Variants in HCN1 observed in about 807,000 individuals in gnomAD.
The protein encoded by HCN1 is hyperpolarization activated cyclic nucleotide gated potassium channel 1.
In HCN1, 13 loss-of-function variants were observed where a neutral mutation model predicts 78.9. That is an observed-to-expected ratio of 0.16 (90% CI 0.11 to 0.26). The LOEUF (loss-of-function observed/expected upper bound fraction) is 0.26. Ranked by LOEUF, HCN1 falls within the 10% of genes least tolerant of loss-of-function variation. The pLI is 1.00. For synonymous variants in HCN1, 552 were observed against 455.5 expected, an observed-to-expected ratio of 1.21 and a Z score of -2.70; for missense variants, 810 against 1,154.3, an observed-to-expected ratio of 0.70 and a Z score of 4.32.
chr5:45,647,132 G>A (rs555927480), intron 1 of HCN1, among the ~76,000 whole-genome samples: 83 of 152,210 alleles, frequency 5.5e-4, no homozygotes, highest in African/African-American at 1.9e-3. Context: ...AAGGATAAGC[G>A]TTTGTTATTT....
At chr5:45,396,762 G>A (rs1224943698) in intron 3 of HCN1, 52 bp from the exon 4 acceptor site, 1 of 1,352,558 alleles carries the variant, frequency 7.4e-7, no homozygotes. Flanking sequence ...ATGGCAGAAT[G>A]AAAAGTGAGT....
At chr5:45,646,558 C>A (rs996770270) in intron 1 of HCN1, among the ~76,000 whole-genome samples, 1 of 151,598 alleles carries the variant, frequency 6.6e-6, no homozygotes, top group Non-Finnish European at 1.5e-5. Flanking sequence ...TTTAACATTT[C>A]TAATTTAATT....
chr5:45,269,521 C>G (rs1463290995), intron 6 of HCN1, among the ~76,000 whole-genome samples: 2 of 152,060 alleles, frequency 1.3e-5, no homozygotes, highest in Non-Finnish European at 2.9e-5. Flanking sequence ...ATAAAAAACT[C>G]TGGTAATGTT....
chr5:45,464,470 G>A (rs968797901), intron 2 of HCN1, among the ~76,000 whole-genome samples: 2 of 151,994 alleles, frequency 1.3e-5, no homozygotes, highest in Non-Finnish European at 2.9e-5. Context: ...TTTATAAACA[G>A]TCTCCCTTAT....
At chr5:45,600,811 T>G (rs1284928133) in intron 2 of HCN1, among the ~76,000 whole-genome samples, 1 of 152,174 alleles carries the variant, frequency 6.6e-6, no homozygotes, top group Non-Finnish European at 1.5e-5. Flanking sequence ...GACTCCTAAC[T>G]TCTATATGGG....
At chr5:45,406,855 G>T (rs1342298048) in intron 3 of HCN1, among the ~76,000 whole-genome samples, 1 of 152,110 alleles carries the variant, frequency 6.6e-6, no homozygotes, top group East Asian at 1.9e-4. Context: ...AGAGTGTGAG[G>T]TCAGTGAAGA....
chr5:45,432,459 C>T (rs936078184), intron 3 of HCN1, among the ~76,000 whole-genome samples: 5 of 151,912 alleles, frequency 3.3e-5, no homozygotes, highest in Non-Finnish European at 1.5e-5. Context: ...ACTTCTAGTA[C>T]TAGATTGCTC....
At chr5:45,599,368 T>C (rs1579992527) in intron 2 of HCN1, among the ~76,000 whole-genome samples, 1 of 151,456 alleles carries the variant, frequency 6.6e-6, no homozygotes, top group African/African-American at 2.4e-5. Context: ...ATAAGAACAC[T>C]TGGACACATG....
At chr5:45,563,477 T>C (rs1432682876) in intron 2 of HCN1, among the ~76,000 whole-genome samples, 1 of 151,554 alleles carries the variant, frequency 6.6e-6, no homozygotes, top group Non-Finnish European at 1.5e-5. Context: ...TAAAATAAAA[T>C]AAAAAATATA....
chr5:45,316,903 C>A (rs918957817), intron 5 of HCN1, among the ~76,000 whole-genome samples: 1 of 151,860 alleles, frequency 6.6e-6, no homozygotes, highest in Non-Finnish European at 1.5e-5. Context: ...CACTGCTCAA[C>A]GAAATAAAAG....
intron 6 of HCN1, among the ~76,000 whole-genome samples, chr5:45,271,031 A>T (rs181024079): frequency 1.3e-5 from 2 of 152,220 alleles, no homozygotes; most frequent in South Asian, 2.1e-4. Flanking sequence ...TGAATCAGTT[A>T]AATATTACCA....
At chr5:45,587,457 C>A (rs777564688) in intron 2 of HCN1, among the ~76,000 whole-genome samples, 18 of 151,604 alleles carry the variant, frequency 1.2e-4, no homozygotes, top group African/African-American at 3.6e-4. Context: ...GGACAAAAAA[C>A]CAAACACTGC....
rs758332561 is a variant in HCN1 at position 45,395,670 on chromosome 5, C to T, written c.1230+822G>A. Among the ~76,000 whole-genome samples the T allele has an allele frequency of 7.9e-5, 12 of 152,268 alleles. No homozygotes were observed. The South Asian group carries it at 8.3e-4, about 11-fold the overall frequency. On this transcript the variant is annotated intron_variant, in intron 4 of 7. Coordinates refer to ENST00000303230, the MANE Select transcript of HCN1 (RefSeq NM_021072.4). ...CCATTTTAATCATTACTTTCAGAAACGCTCTTTGGCAAGGTGCATGACTCT... is the reference window on the plus strand; with the variant it reads ...CCATTTTAATCATTACTTTCAGAAATGCTCTTTGGCAAGGTGCATGACTCT...
chr5:45,372,699 A>G (rs1747436143), intron 4 of HCN1, among the ~76,000 whole-genome samples: 1 of 142,808 alleles, frequency 7.0e-6, no homozygotes, highest in African/African-American at 2.5e-5. Context: ...ATAAAAATAT[A>G]TACGTATTTA....
chr5:45,328,835 T>C (rs1454997591), intron 5 of HCN1, among the ~76,000 whole-genome samples: 1 of 151,666 alleles, frequency 6.6e-6, no homozygotes, highest in African/African-American at 2.4e-5. Flanking sequence ...AGAAGCACTA[T>C]ACACAATTTA....
At chr5:45,549,938 C>A (rs935298640) in intron 2 of HCN1, among the ~76,000 whole-genome samples, 1 of 152,128 alleles carries the variant, frequency 6.6e-6, no homozygotes, top group African/African-American at 2.4e-5. Context: ...CAAATCGAAA[C>A]CACAGTGAGA....
chr5:45,280,202 T>A (rs1401621903), intron 6 of HCN1, among the ~76,000 whole-genome samples: 10 of 152,204 alleles, frequency 6.6e-5, no homozygotes, highest in Admixed American at 5.9e-4. Flanking sequence ...TTTATCAAGC[T>A]GTATATTTAC....
chr5:45,625,054 T>TA (rs943384586), intron 2 of HCN1, among the ~76,000 whole-genome samples: 3 of 152,184 alleles, frequency 2.0e-5, no homozygotes, highest in East Asian at 1.9e-4. Context: ...ATGTTGGTAT[T>TA]AAAAAAATTC....
Position 45,300,230 on chromosome 5 carries a change from G to C in HCN1, c.1618+3369C>G, listed in dbSNP as rs899515229. ...CATATTCATCAAATCTCCAGAAACTGACTCAAAGACTTTTCCTCCTACAAA... is the reference window on the plus strand; with the variant it reads ...CATATTCATCAAATCTCCAGAAACTCACTCAAAGACTTTTCCTCCTACAAA... On this transcript the variant is annotated intron_variant, in intron 6 of 7. Transcript: ENST00000303230. 8.6e-5 allele frequency among the ~76,000 whole-genome samples: 13 copies of C among 151,888 alleles called. 1 individual carries two copies. The highest frequency in any genetic ancestry group is 1.5e-4 in the Non-Finnish European group (10 of 67,936).
Sources: allele counts gnomAD v4.1 joint callset (sites outside exome capture counted in the v4.1 genomes callset), GRCh38; gene constraint gnomAD v4.1.1; transcripts MANE v1.5; gene names NCBI Gene and HGNC (gene_info 2026-07-23, HGNC 2026-07-21).